Variants in ST6GALNAC3 observed in about 807,000 individuals in gnomAD.
ST6GALNAC3 encodes ST6 N-acetylgalactosaminide alpha-2,6-sialyltransferase 3, also known as alpha-N-acetylgalactosaminide alpha-2,6-sialyltransferase 3.
In ST6GALNAC3, 25 loss-of-function variants were observed where a neutral mutation model predicts 32.7. The observed-to-expected ratio is 0.76, with a 90% confidence interval of 0.56 to 1.07. The LOEUF is 1.07. Ranked by LOEUF, ST6GALNAC3 falls within the 50% of genes least tolerant of loss-of-function variation. The probability of loss-of-function intolerance (pLI) is 0.00; values close to 1 mark genes in which losing one functional copy is unlikely to be tolerated. For missense variants in ST6GALNAC3, 355 were observed against 382.4 expected, an observed-to-expected ratio of 0.93 and a Z score of 0.60; for synonymous variants, 129 against 133.1, an observed-to-expected ratio of 0.97 and a Z score of 0.21.
At chr1:76,266,013 C>T (rs1658505105) in intron 1 of ST6GALNAC3, among the ~76,000 whole-genome samples, 1 of 152,172 alleles carries the variant, frequency 6.6e-6, no homozygotes, top group Non-Finnish European at 1.5e-5. Context: ...GGCTGTATAA[C>T]ACATTCTTCA....
chr1:76,348,760 A>G (rs933390142), intron 2 of ST6GALNAC3, among the ~76,000 whole-genome samples: 1 of 152,140 alleles, frequency 6.6e-6, no homozygotes, highest in African/African-American at 2.4e-5. Context: ...ATATATATAT[A>G]TGCATTGTGC....
intron 3 of ST6GALNAC3, among the ~76,000 whole-genome samples, chr1:76,584,058 G>C (rs372639949): frequency 6.6e-6 from 1 of 152,136 alleles, no homozygotes; most frequent in African/African-American, 2.4e-5. Context: ...GCACAATTAA[G>C]TGCTTTTCAC....
rs1353270712 is a variant in ST6GALNAC3 at position 76,631,988 on chromosome 1, A to G, written c.*3182A>G. ...ATGATTTTACATTGCTATCAAACCTATCAAAGAAAAGGCAATTGGAATTTG... is the reference window on the plus strand; with the variant it reads ...ATGATTTTACATTGCTATCAAACCTGTCAAAGAAAAGGCAATTGGAATTTG... On this transcript the variant is annotated 3_prime_UTR_variant, in exon 5 of 5. Coordinates refer to ENST00000328299, the MANE Select transcript of ST6GALNAC3 (RefSeq NM_152996.4). 4.6e-5 allele frequency: 7 copies of G among 152,122 alleles called. No individual in the cohort carries two copies. The highest frequency in any genetic ancestry group is 8.8e-5 in the Non-Finnish European group (6 of 67,992). The allele number at this position is 152,122 out of a possible 1,614,324, so 9.4% of individuals were successfully genotyped here.
intron 1 of ST6GALNAC3, among the ~76,000 whole-genome samples, chr1:76,191,254 C>T (rs548484985): frequency 2.0e-5 from 3 of 151,228 alleles, no homozygotes; most frequent in African/African-American, 7.3e-5. Context: ...TAACCAGACA[C>T]CAAAAGACAA....
intron 1 of ST6GALNAC3, among the ~76,000 whole-genome samples, chr1:76,235,478 G>T (rs982063561): frequency 6.6e-6 from 1 of 152,100 alleles, no homozygotes; most frequent in Non-Finnish European, 1.5e-5. Context: ...CTGCACTCCA[G>T]CCTGGGCAAC....
chr1:76,560,271 T>A (rs1665169997), intron 3 of ST6GALNAC3, among the ~76,000 whole-genome samples: 1 of 152,098 alleles, frequency 6.6e-6, no homozygotes, highest in African/African-American at 2.4e-5. Flanking sequence ...GGACGTTGAT[T>A]TGGGCGAAAT....
chr1:76,203,301 T>C (rs1194858251), intron 1 of ST6GALNAC3, among the ~76,000 whole-genome samples: 6 of 152,172 alleles, frequency 3.9e-5, no homozygotes, highest in Non-Finnish European at 8.8e-5. Flanking sequence ...CCTCACCGGG[T>C]GATTCCAAGT....
chr1:76,494,374 T>C (rs1660672816), intron 3 of ST6GALNAC3, among the ~76,000 whole-genome samples: 1 of 146,974 alleles, frequency 6.8e-6, no homozygotes. Context: ...CAAATATTTA[T>C]TGAGTGTATA....
intron 2 of ST6GALNAC3, among the ~76,000 whole-genome samples, chr1:76,384,043 T>A (rs548379745): frequency 3.3e-5 from 5 of 152,268 alleles, no homozygotes; most frequent in African/African-American, 1.2e-4. Flanking sequence ...AGATTTAAAT[T>A]CAAATATGTC....
chr1:76,198,724 A>G (rs1654353420), intron 1 of ST6GALNAC3, among the ~76,000 whole-genome samples: 1 of 152,162 alleles, frequency 6.6e-6, no homozygotes, highest in South Asian at 2.1e-4. Flanking sequence ...ACTTACTTGG[A>G]AAGTCAGGAG....
chr1:76,185,939 A>G (rs2783660), intron 1 of ST6GALNAC3, among the ~76,000 whole-genome samples: 3,644 of 152,338 alleles, frequency 0.024, 130 homozygotes, highest in African/African-American at 0.076. Flanking sequence ...TAAGTAATCT[A>G]GAGATGATTT....
rs201871169 is a variant in ST6GALNAC3, at chr1:76,418,868, T to TA, written c.623+6452dup. On this transcript the variant is annotated intron_variant, in intron 3 of 4. Transcript: ENST00000328299. The stretch of plus-strand genomic sequence containing the variant: ...GGGGAACTTCCTTTTTACCATTATT[T>TA]ATGATGGCATTCAGTGACCTACATT... Among the ~76,000 whole-genome samples the TA allele has an allele frequency of 6.4e-3, 974 of 152,054 alleles. 11 individuals carry two copies. The highest frequency in any genetic ancestry group is 0.018 in the South Asian group (85 of 4,808).
Position 76,629,815 on chromosome 1 carries a change from T to A in ST6GALNAC3, c.*1009T>A. 1.0e-6 allele frequency: 1 copy of A among 977,236 alleles called. No individual in the cohort carries two copies. Among genetic ancestry groups the A allele is most frequent in the Non-Finnish European group, 1.2e-6 (1 of 822,440 alleles). The allele number at this position is 977,236 out of a possible 1,614,324, so 60.5% of individuals were successfully genotyped here. A position where few individuals can be genotyped will look rare whatever the true frequency, so the allele number is the denominator to read the frequency against. ...ATATATATTTGTATATTCAAATTTC[T>A]ATTTTATAGGCCCAAGGTGTGTTTC... is the stretch of plus-strand genomic sequence containing the variant. On this transcript the variant is annotated 3_prime_UTR_variant, in exon 5 of 5. Transcript: ENST00000328299.
intron 1 of ST6GALNAC3, among the ~76,000 whole-genome samples, chr1:76,277,181 T>C (rs1659177564): frequency 6.6e-6 from 1 of 152,158 alleles, no homozygotes; most frequent in African/African-American, 2.4e-5. Flanking sequence ...CTATTCCTTA[T>C]GGTTGATATT....
At chr1:76,367,488 T>A (rs1460444197) in intron 2 of ST6GALNAC3, among the ~76,000 whole-genome samples, 1 of 151,812 alleles carries the variant, frequency 6.6e-6, no homozygotes, top group African/African-American at 2.4e-5. Context: ...TACAGGAGGG[T>A]AGGGGAGAAG....
chr1:76,128,059 T>A (rs1479735530), intron 1 of ST6GALNAC3, among the ~76,000 whole-genome samples: 1 of 152,146 alleles, frequency 6.6e-6, no homozygotes, highest in Non-Finnish European at 1.5e-5. Flanking sequence ...GTGGGGATTA[T>A]CAACCTGTGG....
At chr1:76,267,054 G>A (rs1382514338) in intron 1 of ST6GALNAC3, among the ~76,000 whole-genome samples, 1 of 152,184 alleles carries the variant, frequency 6.6e-6, no homozygotes, top group Non-Finnish European at 1.5e-5. Context: ...TCCCAACCTT[G>A]GCCAAGTGCC....
chr1:76,590,575 A>G (rs1447097859), intron 3 of ST6GALNAC3, among the ~76,000 whole-genome samples: 3 of 152,224 alleles, frequency 2.0e-5, no homozygotes, highest in Non-Finnish European at 2.9e-5. Context: ...AGAGCAAACA[A>G]AGACAAACTC....
intron 1 of ST6GALNAC3, among the ~76,000 whole-genome samples, chr1:76,089,304 G>T (rs1647009875): frequency 6.6e-6 from 1 of 152,082 alleles, no homozygotes; most frequent in African/African-American, 2.4e-5. Context: ...GCCCGCCTTG[G>T]CCTCCCAAAA....
Sources: allele counts gnomAD v4.1 joint callset (sites outside exome capture counted in the v4.1 genomes callset), GRCh38; gene constraint gnomAD v4.1.1; transcripts MANE v1.5; gene names NCBI Gene and HGNC (gene_info 2026-07-23, HGNC 2026-07-21).